Variants in PRKAR1B observed in about 807,000 individuals in gnomAD.
PRKAR1B encodes cAMP-dependent protein kinase type I-beta regulatory subunit.
PRKAR1B carries 22 observed loss-of-function variants against 46.5 expected under a neutral mutation model. The ratio of observed to expected loss-of-function variants is 0.47; its 90% CI spans 0.34 to 0.68. The LOEUF is 0.68. Among genes scored for constraint, PRKAR1B ranks in the 30% least tolerant of loss-of-function variants. The pLI is 0.01. For missense variants in PRKAR1B, 445 were observed against 535.6 expected (o/e 0.83, Z 1.67); for synonymous variants, 259 against 217.7 (o/e 1.19, Z -1.67).
At chr7:724,162 A>G (rs1346782318) in intron 1 of PRKAR1B, among the ~76,000 whole-genome samples, 1 of 152,098 alleles carries the variant, frequency 6.6e-6, no homozygotes, top group Non-Finnish European at 1.5e-5. Flanking sequence ...CACTCCCATG[A>G]GGCCTTTGCT....
chr7:673,874 C>T (rs988740828), intron 4 of PRKAR1B, among the ~76,000 whole-genome samples: 9 of 152,224 alleles, frequency 5.9e-5, no homozygotes, highest in Admixed American at 1.3e-4. Context: ...CCACGCCCTC[C>T]AGAGGCCCCG....
chr7:597,258 C>G (rs978600328), intron 6 of PRKAR1B, among the ~76,000 whole-genome samples: 1 of 152,226 alleles, frequency 6.6e-6, no homozygotes, highest in African/African-American at 2.4e-5. Context: ...ATCAATGACT[C>G]ATTATCTGGA....
chr7:656,184 G>GAATGAATGAATGGAAA (rs1211939324), intron 4 of PRKAR1B, among the ~76,000 whole-genome samples: 1 of 152,174 alleles, frequency 6.6e-6, no homozygotes, highest in African/African-American at 2.4e-5. Flanking sequence ...GTGGAGGGGT[G>GAATGAATGAATGGAAA]AATGAATGAA....
chr7:577,366 T>G (rs1779916149), intron 9 of PRKAR1B, among the ~76,000 whole-genome samples: 1 of 152,052 alleles, frequency 6.6e-6, no homozygotes, highest in South Asian at 2.1e-4. Flanking sequence ...GACCTTAAAC[T>G]CCGCCACCCT....
Position 550,182 on chromosome 7 carries a change from G to C in PRKAR1B, c.*248C>G, listed in dbSNP as rs1048552254. On this transcript the variant is annotated 3_prime_UTR_variant, in exon 11 of 11. Transcript: ENST00000537384. Reference sequence around the variant, plus strand: ...CACAGAGGCAGCCGGGGAGGCGTGTGGGGAGGAAGCTGGCCTGTCCCTTCC... The same window carrying C: ...CACAGAGGCAGCCGGGGAGGCGTGTCGGGAGGAAGCTGGCCTGTCCCTTCC... 5 of 503,936 alleles carry C rather than the reference G, an allele frequency of 9.9e-6. No individual in the cohort carries two copies. Among genetic ancestry groups the C allele is most frequent in the Non-Finnish European group, 1.8e-5 (5 of 279,774 alleles). 31.2% of individuals were successfully genotyped at this position (503,936 alleles called of 1,614,324 possible).
Position 549,309 on chromosome 7 carries a change from G to T in PRKAR1B, c.*1121C>A, listed in dbSNP as rs1370529394. 6.6e-6 allele frequency: 1 copy of T among 152,354 alleles called. No homozygotes were observed. Among genetic ancestry groups the T allele is most frequent in the African/African-American group, 2.4e-5 (1 of 41,448 alleles). 9.4% of individuals were successfully genotyped at this position (152,354 alleles called of 1,614,324 possible). On this transcript the variant is annotated 3_prime_UTR_variant, in exon 11 of 11. Transcript: ENST00000537384. ...GGCACAGGCGGGACACGGCGACGTG[G>T]CCGGGGCTGGGTGGGGAGGGGGACC...
intron 9 of PRKAR1B, among the ~76,000 whole-genome samples, chr7:569,408 C>T (rs1779368651): frequency 1.3e-5 from 2 of 152,206 alleles, no homozygotes. Flanking sequence ...TCTCACAGTT[C>T]AGCCGGGTGC....
chr7:710,727 C>T (rs1386480280), intron 2 of PRKAR1B, among the ~76,000 whole-genome samples: 1 of 150,512 alleles, frequency 6.6e-6, no homozygotes, highest in African/African-American at 2.5e-5. Flanking sequence ...CTCACTGCAG[C>T]CTCCACCTCC....
At chr7:576,261 C>T (rs1315451776) in intron 9 of PRKAR1B, among the ~76,000 whole-genome samples, 4 of 151,786 alleles carry the variant, frequency 2.6e-5, no homozygotes, top group Non-Finnish European at 5.9e-5. Flanking sequence ...GCTGGAATCA[C>T]GGCTGGGGTC....
At chr7:561,135 ACACACACACACACACCTGTG>A (rs1405229775) in intron 9 of PRKAR1B, among the ~76,000 whole-genome samples, 2 of 121,498 alleles carry the variant, frequency 1.6e-5, no homozygotes, top group African/African-American at 3.7e-5. Flanking sequence ...GCACACAAAC[ACACACACACACACACCTGTG>A]CACACACACA....
intron 4 of PRKAR1B, among the ~76,000 whole-genome samples, chr7:642,648 C>G (rs1388465722): frequency 6.0e-4 from 91 of 151,166 alleles, no homozygotes; most frequent in African/African-American, 2.0e-3. Flanking sequence ...TGGCGTGAAC[C>G]CGGGAGGCGG....
intron 4 of PRKAR1B, among the ~76,000 whole-genome samples, chr7:621,836 G>C (rs1469076410): frequency 2.0e-5 from 3 of 152,220 alleles, no homozygotes; most frequent in Non-Finnish European, 2.9e-5. Context: ...AGGACTCAGT[G>C]ATCATGAGGC....
chr7:688,938 T>G (rs917304259), intron 2 of PRKAR1B, among the ~76,000 whole-genome samples: 1 of 152,044 alleles, frequency 6.6e-6, no homozygotes, highest in African/African-American at 2.4e-5. Flanking sequence ...TAAATAAATA[T>G]CAAAGAGGCA....
intron 4 of PRKAR1B, chr7:608,095 GCACCC>G (rs1782213750): frequency 6.5e-6 from 1 of 152,748 alleles, no homozygotes; most frequent in African/African-American, 2.4e-5. Flanking sequence ...GCTGGCAGAG[GCACCC>G]GGGACAAGTG....
At chr7:688,169 G>C (rs1399207161) in intron 2 of PRKAR1B, among the ~76,000 whole-genome samples, 3 of 150,886 alleles carry the variant, frequency 2.0e-5, no homozygotes, top group African/African-American at 7.3e-5. Context: ...GGGAGGCCAA[G>C]GCGGGCGGAT....
chr7:679,962 T>A (rs548045136), intron 3 of PRKAR1B, among the ~76,000 whole-genome samples: 1 of 152,058 alleles, frequency 6.6e-6, no homozygotes, highest in South Asian at 2.1e-4. Flanking sequence ...ATTGAGACCA[T>A]CCTGGCTAAC....
intron 6 of PRKAR1B, among the ~76,000 whole-genome samples, 188 bp downstream of exon 6, chr7:606,005 C>A (rs1782021305): frequency 6.6e-6 from 1 of 152,238 alleles, no homozygotes; most frequent in African/African-American, 2.4e-5. Flanking sequence ...ACCCTTGTTT[C>A]CCTCTGCACT....
Position 574,933 on chromosome 7 carries a change from C to T in PRKAR1B, c.891+4323G>A, listed in dbSNP as rs566762652. On this transcript the variant is annotated intron_variant, in intron 9 of 10. Coordinates refer to ENST00000537384, the MANE Select transcript of PRKAR1B (RefSeq NM_001164760.2). Reference sequence around the variant, plus strand: ...AGATATCTGCCTTTCCACCTGTCACCGCAGTCGTCCTGCTGGCGGTGGAGC... The same window carrying T: ...AGATATCTGCCTTTCCACCTGTCACTGCAGTCGTCCTGCTGGCGGTGGAGC... 8.6e-4 allele frequency among the ~76,000 whole-genome samples: 131 copies of T among 152,358 alleles called. No homozygotes were observed. In the Middle Eastern group the frequency reaches 0.01, roughly 12 times the overall value.
intron 2 of PRKAR1B, among the ~76,000 whole-genome samples, chr7:705,073 T>C (rs138099160): frequency 0.03 from 4,554 of 151,624 alleles, 187 homozygotes; most frequent in African/African-American, 0.092. Context: ...GGGTGGAGCA[T>C]CTGAGGTCAG....
Sources: gnomAD v4.1 joint callset for allele counts (sites outside exome capture counted in the v4.1 genomes callset) on GRCh38, gnomAD v4.1.1 for gene constraint, MANE v1.5 for transcripts, NCBI Gene and HGNC (gene_info 2026-07-23, HGNC 2026-07-21) for gene names.